Variants in P2RX4 observed in about 807,000 individuals in gnomAD.
P2RX4 encodes the protein purinergic receptor P2X 4.
P2RX4 carries 37 observed loss-of-function variants against 48.0 expected under a neutral mutation model. The ratio of observed to expected loss-of-function variants is 0.77; its 90% CI spans 0.59 to 1.01. P2RX4 has a LOEUF of 1.01. Ranked by LOEUF, P2RX4 falls within the 50% of genes least tolerant of loss-of-function variation. The pLI is 0.00. For synonymous variants in P2RX4, 200 were observed against 199.7 expected, an observed-to-expected ratio of 1.00 and a Z score of -0.01; for missense variants, 501 against 521.4, an observed-to-expected ratio of 0.96 and a Z score of 0.38.
chr12:121,213,185 G>C (rs1192502729), intron 1 of P2RX4: 1 of 152,128 alleles, frequency 6.6e-6, no homozygotes, highest in East Asian at 1.9e-4. Context: ...ACAGTACTTT[G>C]GGAGGCTGAG....
intron 8 of P2RX4, among the ~76,000 whole-genome samples, chr12:121,230,159 T>C (rs553923271): frequency 8.5e-5 from 13 of 152,192 alleles, no homozygotes; most frequent in Non-Finnish European, 1.6e-4. Flanking sequence ...TCCTAGCACT[T>C]TGGGAGGCCA....
In P2RX4 at chr12:121,232,890, C is replaced by A; in HGVS notation, c.1045-107C>A. On this transcript the variant is annotated intron_variant, in intron 10 of 11. Coordinates refer to ENST00000337233, the MANE Select transcript of P2RX4 (RefSeq NM_002560.3). The surrounding 1 kb of genome is among the most constrained non-coding windows in gnomAD (Gnocchi z 4.3). ...TCTCCCAAGAGATGGGAGTGCCTTT[C>A]CATTCCGGTAAAGATTCCAGGCTTC... 1.1e-6 allele frequency: 1 copy of A among 929,190 alleles called. No individual in the cohort carries two copies. The highest frequency in any genetic ancestry group is 1.8e-6 in the Non-Finnish European group (1 of 562,502). 57.6% of individuals were successfully genotyped at this position (929,190 alleles called of 1,614,324 possible). A position where few individuals can be genotyped will look rare whatever the true frequency, so the allele number is the denominator to read the frequency against.
chr12:121,223,073 T>G (rs181055433), intron 5 of P2RX4, 30 bp downstream of exon 5: 1 of 1,427,566 alleles, frequency 7.0e-7, no homozygotes, highest in African/African-American at 1.4e-5. Flanking sequence ...AGGAAGTGCC[T>G]TTTTGTTTTG....
chr12:121,233,917 C>A lies in P2RX4; in HGVS notation c.*368C>A. 1 of 295,708 alleles carries A rather than the reference C, an allele frequency of 3.4e-6. No individual in the cohort carries two copies. The highest frequency in any genetic ancestry group is 6.6e-6 in the Non-Finnish European group (1 of 151,300). 18.3% of individuals were successfully genotyped at this position (295,708 alleles called of 1,614,324 possible). ...ACAGGCCCAGTCCTCTGAGGCACGG[C>A]GGCTCTGTTCAAGCACTTTATGCGG... On this transcript the variant is annotated 3_prime_UTR_variant, in exon 12 of 12. Transcript: ENST00000337233.
intron 2 of P2RX4, among the ~76,000 whole-genome samples, chr12:121,219,854 A>G (rs2136224920): frequency 6.6e-6 from 1 of 152,066 alleles, no homozygotes; most frequent in African/African-American, 2.4e-5. Context: ...ATAGATAGAT[A>G]GATAGATAGA....
intron 2 of P2RX4, among the ~76,000 whole-genome samples, chr12:121,219,146 G>A (rs920664131): frequency 1.3e-5 from 2 of 152,222 alleles, no homozygotes; most frequent in Non-Finnish European, 2.9e-5. Context: ...GAGTGTGTTT[G>A]TACATTGAAC....
chr12:121,215,604 G>A (rs1430181629), intron 1 of P2RX4: 1 of 152,070 alleles, frequency 6.6e-6, no homozygotes, highest in Non-Finnish European at 1.5e-5. Context: ...GCACAGCTCT[G>A]TAGGATTCCT....
intron 1 of P2RX4, chr12:121,213,704 T>TTTTG (rs1186138669): frequency 2.0e-5 from 3 of 152,030 alleles, no homozygotes; most frequent in Non-Finnish European, 4.4e-5. Flanking sequence ...ATTATTGTGT[T>TTTTG]TTTGTTTGTT....
In P2RX4 at chr12:121,222,959, G is replaced by A. The variant is rs777345130; in HGVS notation, c.440G>A (p.Gly147Asp). The stretch of plus-strand genomic sequence containing the variant: ...CTTGTGCTTGTAGGAGTCTCAACAG[G>A]CAGGTGCGTAGCTTTCAACGGGTCT... ...AGTHSNGVST[G>D]RCVAFNGSVK... The change falls in exon 5 of 12, where the codon GGC (glycine) becomes GAC (aspartate). Residue 147 changes from glycine (G) to aspartate (D), a missense_variant. By Grantham distance (94) the Gly-to-Asp change is moderately conservative. Transcript: ENST00000337233. 1.9e-6 allele frequency: 3 copies of A among 1,612,384 alleles called. No homozygotes were observed. The highest frequency in any genetic ancestry group is 1.3e-5 in the African/African-American group (1 of 74,882).
In P2RX4 at chr12:121,219,577, G is replaced by GTGGATGGA. The variant is rs767985861; in HGVS notation, c.283-2302_283-2295dup. Among the ~76,000 whole-genome samples, 1,302 of 139,624 alleles carry GTGGATGGA rather than the reference G, an allele frequency of 9.3e-3. 14 individuals are homozygous for GTGGATGGA. The highest frequency in any genetic ancestry group is 0.029 in the South Asian group (117 of 4,082). 91.6% of individuals were successfully genotyped at this position (139,624 alleles called of 152,430 possible). A position where few individuals can be genotyped will look rare whatever the true frequency, so the allele number is the denominator to read the frequency against. ...AGACCCCATCTTGATTGGATGGGTG[G>GTGGATGGA]TGGATGGATGGATGGATGGATGGAT... is the stretch of plus-strand genomic sequence containing the variant. On this transcript the variant is annotated intron_variant, in intron 2 of 11. Transcript: ENST00000337233.
rs915013094 is a variant in P2RX4, at chr12:121,224,822, C to T, written c.524+1779C>T. Among the ~76,000 whole-genome samples the T allele has an allele frequency of 2.8e-4, 43 of 151,620 alleles. 1 individual carries two copies. The highest frequency in any genetic ancestry group is 2.6e-4 in the Admixed American group (4 of 15,194). ...ATGAGCCCCGGGGAGCAGGAAGCCA[C>T]TGAACCTCATCCTGGGTGTGTTGAG... On this transcript the variant is annotated intron_variant, in intron 5 of 11. Transcript: ENST00000337233.
At chr12:121,211,142 C>G (rs896016509) in intron 1 of P2RX4, among the ~76,000 whole-genome samples, 2 of 152,176 alleles carry the variant, frequency 1.3e-5, no homozygotes, top group African/African-American at 4.8e-5. Context: ...CTAGAGATGC[C>G]CTACCGCCCT....
chr12:121,224,673 G>C (rs1430238125), intron 5 of P2RX4, among the ~76,000 whole-genome samples: 1 of 152,044 alleles, frequency 6.6e-6, no homozygotes, highest in Non-Finnish European at 1.5e-5. Flanking sequence ...GTTCAAGGTT[G>C]CTCTAGAATA....
intron 4 of P2RX4, 25 bp downstream of exon 4, chr12:121,222,191 A>C: frequency 6.4e-7 from 1 of 1,552,278 alleles, no homozygotes; most frequent in Non-Finnish European, 8.9e-7. Context: ...CCTCCTGGGG[A>C]GGGCGGCCCC....
At chr12:121,217,900 T>C (rs145793031) in intron 2 of P2RX4, among the ~76,000 whole-genome samples, 20 of 152,220 alleles carry the variant, frequency 1.3e-4, no homozygotes, top group African/African-American at 4.8e-4. Flanking sequence ...TACTGCTGCA[T>C]ACTAGTCTTC....
chr12:121,222,184 C>G lies in P2RX4; in HGVS notation c.427+18C>G, dbSNP rs370899759. 135 of 1,585,338 alleles carry G rather than the reference C, an allele frequency of 8.5e-5. No individual in the cohort carries two copies. The African/African-American group carries it at 1.8e-3, about 21-fold the overall frequency. On this transcript the variant is annotated intron_variant, in intron 4 of 11. Transcript: ENST00000337233. ...CAGCAACGGTACGAGCTTGTGGCCT[C>G]CTGGGGAGGGCGGCCCCTGAGCAGA...
intron 1 of P2RX4, chr12:121,215,641 G>A (rs1193668447): frequency 2.6e-5 from 4 of 152,100 alleles, no homozygotes; most frequent in African/African-American, 9.7e-5. Context: ...TCTCAGTCAC[G>A]AGAATCTTTA....
At chr12:121,212,489 A>AT (rs541747738) in intron 1 of P2RX4, among the ~76,000 whole-genome samples, 4,123 of 135,300 alleles carry the variant, frequency 0.03, 124 homozygotes, top group African/African-American at 0.076. Flanking sequence ...AAAAAAAAGA[A>AT]TTTTTTTTTT....
chr12:121,219,979 T>A (rs997721109), intron 2 of P2RX4, among the ~76,000 whole-genome samples: 1 of 152,190 alleles, frequency 6.6e-6, no homozygotes, highest in Admixed American at 6.5e-5. Context: ...GAGGTCATTA[T>A]CAGCAATTCT....
Sources: gnomAD v4.1 joint callset for allele counts (sites outside exome capture counted in the v4.1 genomes callset) on GRCh38, gnomAD v4.1.1 for gene constraint, Gnocchi (gnomAD v3.1) non-coding constraint, MANE v1.5 for transcripts, NCBI Gene and HGNC (gene_info 2026-07-23, HGNC 2026-07-21) for gene names.